VEPH1: variants seen among roughly 807,000 people sequenced by gnomAD.
VEPH1 encodes ventricular zone expressed PH domain containing 1.
In VEPH1, 80 loss-of-function variants were observed where a neutral mutation model predicts 85.2. The ratio of observed to expected loss-of-function variants is 0.94; its 90% CI spans 0.78 to 1.13. The LOEUF (loss-of-function observed/expected upper bound fraction) is 1.13. Among genes scored for constraint, VEPH1 ranks in the 50% most tolerant of loss-of-function variants. The pLI is 0.00. For missense variants in VEPH1, 955 were observed against 980.5 expected (o/e 0.97, Z 0.35); for synonymous variants, 297 against 348.0 (o/e 0.85, Z 1.63).
intron 4 of VEPH1, among the ~76,000 whole-genome samples, chr3:157,449,951 A>G (rs920517757): frequency 2.0e-5 from 3 of 151,050 alleles, no homozygotes; most frequent in Non-Finnish European, 4.4e-5. Context: ...TATGACTAGT[A>G]TGTAAGAAAA....
chr3:157,397,018 A>T (rs1237493841), intron 6 of VEPH1, among the ~76,000 whole-genome samples: 1 of 152,196 alleles, frequency 6.6e-6, no homozygotes. Flanking sequence ...GCCCATGACT[A>T]TGTCCTGACT....
intron 4 of VEPH1, among the ~76,000 whole-genome samples, chr3:157,449,371 T>C (rs2109295251): frequency 6.6e-6 from 1 of 152,346 alleles, no homozygotes; most frequent in East Asian, 1.9e-4. Context: ...TTCCATCTGC[T>C]ATTAATTTAT....
At chr3:157,497,003 C>A (rs992412855) in intron 1 of VEPH1, among the ~76,000 whole-genome samples, 5 of 152,130 alleles carry the variant, frequency 3.3e-5, no homozygotes, top group African/African-American at 1.2e-4. Flanking sequence ...AATATGTCAT[C>A]CCCACTTTGT....
intron 6 of VEPH1, among the ~76,000 whole-genome samples, chr3:157,385,622 C>A (rs1187883582): frequency 1.3e-5 from 2 of 152,178 alleles, no homozygotes; most frequent in Non-Finnish European, 2.9e-5. Flanking sequence ...TAGATGACAT[C>A]TATATTCTCA....
At chr3:157,480,448 C>A (rs1012068340) in intron 2 of VEPH1, among the ~76,000 whole-genome samples, 6 of 151,926 alleles carry the variant, frequency 3.9e-5, no homozygotes. Context: ...CATTCCTTAC[C>A]TTCTTCCCTC....
At chr3:157,464,132 T>C (rs1355788132) in intron 3 of VEPH1, among the ~76,000 whole-genome samples, 2 of 152,252 alleles carry the variant, frequency 1.3e-5, no homozygotes, top group African/African-American at 4.8e-5. Context: ...ATCCTGTCCC[T>C]GCTCCCTTGA....
At chr3:157,324,731 G>A (rs1227714930) in intron 9 of VEPH1, among the ~76,000 whole-genome samples, 2 of 151,424 alleles carry the variant, frequency 1.3e-5, no homozygotes, top group Admixed American at 6.6e-5. Flanking sequence ...TCTTTGTCTA[G>A]TCTGTCACTG....
chr3:157,298,951 T>C (rs1718438101), intron 11 of VEPH1, among the ~76,000 whole-genome samples: 1 of 152,198 alleles, frequency 6.6e-6, no homozygotes. Flanking sequence ...TCTTGGTATG[T>C]CTAGTATTGA....
intron 4 of VEPH1, among the ~76,000 whole-genome samples, chr3:157,450,727 A>G (rs1577688248): frequency 6.6e-6 from 1 of 152,098 alleles, no homozygotes; most frequent in East Asian, 1.9e-4. Context: ...TACTAATCAC[A>G]TGATGTTTTT....
At chr3:157,442,958 A>G in intron 4 of VEPH1, 1 of 1,611,364 alleles carries the variant, frequency 6.2e-7, no homozygotes, top group Non-Finnish European at 8.5e-7. Flanking sequence ...AGCCACATGG[A>G]GGAGCTCAGT....
intron 12 of VEPH1, among the ~76,000 whole-genome samples, chr3:157,270,806 T>C (rs560307334): frequency 1.3e-5 from 2 of 151,940 alleles, no homozygotes; most frequent in African/African-American, 2.4e-5. Flanking sequence ...AGGGAAGATA[T>C]GGCATTTTAC....
At chr3:157,450,189 G>A (rs1233495684) in intron 4 of VEPH1, among the ~76,000 whole-genome samples, 2 of 150,680 alleles carry the variant, frequency 1.3e-5, no homozygotes, top group East Asian at 3.9e-4. Flanking sequence ...CAGAGTAGCT[G>A]AGACTACAGG....
chr3:157,375,571 A>G (rs12637261), intron 7 of VEPH1, among the ~76,000 whole-genome samples: 1,688 of 152,292 alleles, frequency 0.011, 35 homozygotes, highest in East Asian at 0.043. Context: ...CATGGAATGT[A>G]GGATAAATGG....
At position 157,381,149 on chromosome 3, in the gene VEPH1, T is replaced by C; in HGVS notation, c.1127+7A>G. ...GCTCCCTGAGGTACACAGAAGCTCT[T>C]GCTCACCTGCCACTTCCAGCCTTGG... On this transcript the variant is annotated splice_region_variant and intron_variant, in intron 7 of 13. Transcript: ENST00000362010. 1 of 1,612,834 alleles carries C rather than the reference T, an allele frequency of 6.2e-7. No individual in the cohort carries two copies. The highest frequency in any genetic ancestry group is 2.2e-5 in the East Asian group (1 of 44,876).
rs57277738 is a variant in VEPH1 at position 157,481,486 on chromosome 3, A to AAAAAAAAAAAAAAAAAAAAAC, written c.139-10958_139-10957insGTTTTTTTTTTTTTTTTTTTT. On this transcript the variant is annotated intron_variant, in intron 2 of 13. Transcript: ENST00000362010. Reference sequence around the variant, plus strand: ...CACACAAAAAAAAAAAAAAAAAAAAACAATCCTAAGCAAAAAGAACAAAGT... The same window carrying AAAAAAAAAAAAAAAAAAAAAC: ...CACACAAAAAAAAAAAAAAAAAAAAAAAAAAAAAAAAAAAAAAAAACCAATCCTAAGCAAAAAGAACAAAGT... 6.3e-5 allele frequency among the ~76,000 whole-genome samples: 5 copies of AAAAAAAAAAAAAAAAAAAAAC among 79,076 alleles called. 1 individual carries two copies. Among genetic ancestry groups the AAAAAAAAAAAAAAAAAAAAAC allele is most frequent in the East Asian group, 1.0e-3 (2 of 1,908 alleles). The allele number at this position is 79,076 out of a possible 152,430, so 51.9% of individuals were successfully genotyped here.
chr3:157,299,440 G>A (rs1276096147), intron 11 of VEPH1, among the ~76,000 whole-genome samples: 1 of 151,454 alleles, frequency 6.6e-6, no homozygotes, highest in African/African-American at 2.4e-5. Flanking sequence ...GGCGCCTGTA[G>A]TGCCAACTAC....
intron 7 of VEPH1, among the ~76,000 whole-genome samples, chr3:157,380,295 C>T (rs916220818): frequency 6.6e-6 from 1 of 152,164 alleles, no homozygotes; most frequent in Non-Finnish European, 1.5e-5. Context: ...GCACTGGGGC[C>T]AGGGTGAGCT....
At chr3:157,461,082 A>G (rs1735821648) in intron 3 of VEPH1, among the ~76,000 whole-genome samples, 1 of 151,604 alleles carries the variant, frequency 6.6e-6, no homozygotes, top group South Asian at 2.1e-4. Context: ...GATTCAGAGG[A>G]AAAAAAATAA....
rs367790555 is a variant in VEPH1 at position 157,441,684 on chromosome 3, C to T, written c.530-13196G>A. Among the ~76,000 whole-genome samples, 39 of 152,084 alleles carry T rather than the reference C, an allele frequency of 2.6e-4. No homozygotes were observed. The South Asian group carries it at 5.0e-3, about 19-fold the overall frequency. ...AGTTAGCTGGGCGCAGTGGTGTGCA[C>T]CTGTAGTCCCAGCTACTCCGGAAGC... On this transcript the variant is annotated intron_variant, in intron 4 of 13. Transcript: ENST00000362010.
Sources: allele counts gnomAD v4.1 joint callset (sites outside exome capture counted in the v4.1 genomes callset), GRCh38; gene constraint gnomAD v4.1.1; transcripts MANE v1.5; gene names NCBI Gene and HGNC (gene_info 2026-07-23, HGNC 2026-07-21).